CUX1: variants seen among roughly 807,000 people sequenced by gnomAD.
CUX1 encodes cut like homeobox 1, also known as protein CASP.
In CUX1, 31 loss-of-function variants were observed where a neutral mutation model predicts 158.8. The observed-to-expected ratio is 0.20, with a 90% CI of 0.15 to 0.26. CUX1 has a LOEUF of 0.26. Ranked by LOEUF, CUX1 falls within the 10% of genes least tolerant of loss-of-function variation. CUX1 has a pLI of 1.00. For synonymous variants in CUX1, 879 were observed against 862.1 expected (o/e 1.02, Z -0.34); for missense variants, 1,589 against 2,014.6 (o/e 0.79, Z 4.04).
rs187763301 is a variant in CUX1, at chr7:102,131,460, C to A, written c.674+16187C>A. On this transcript the variant is annotated intron_variant, in intron 8 of 23. Coordinates refer to ENST00000292535, the MANE Select transcript of CUX1 (RefSeq NM_181552.4). ...TTTGAGGCCAGGAATTCAAGACCAG[C>A]CTGGGCAAAACAGCAAGACATAATT... Among the ~76,000 whole-genome samples, 197 of 150,500 alleles carry A rather than the reference C, an allele frequency of 1.3e-3. 1 individual carries two copies. The highest frequency in any genetic ancestry group is 4.7e-3 in the African/African-American group (193 of 40,984).
At chr7:101,912,223 CTCTTCCTCCCCCTCCCCCCTCCCT>C (rs1803570150) in intron 1 of CUX1, among the ~76,000 whole-genome samples, 1 of 136,382 alleles carries the variant, frequency 7.3e-6, no homozygotes, top group Non-Finnish European at 1.6e-5. Flanking sequence ...TCCCCCTCCC[CTCTTCCTCCCCCTCCCCCCTCCCT>C]CCTCCTCCTC....
chr7:102,257,887 A>T lies in CUX1; in HGVS notation c.*8845A>T. On this transcript the variant is annotated 3_prime_UTR_variant, in exon 24 of 24. Transcript: ENST00000292535. ...TGACCAAAAAAGAAAAAAGGAAAAA[A>T]AAAAAGTCGTCTTTTTTTTTTTTTT... is the stretch of plus-strand genomic sequence containing the variant. The T allele has an allele frequency of 2.0e-6, 2 of 984,464 alleles. No homozygotes were observed. Among genetic ancestry groups the T allele is most frequent in the Non-Finnish European group, 2.4e-6 (2 of 829,628 alleles). The allele number at this position is 984,464 out of a possible 1,614,324, so 61.0% of individuals were successfully genotyped here. A position where few individuals can be genotyped will look rare whatever the true frequency, so the allele number is the denominator to read the frequency against.
intron 2 of CUX1, among the ~76,000 whole-genome samples, chr7:102,016,449 A>C (rs1424054280): frequency 6.6e-6 from 1 of 152,200 alleles, no homozygotes; most frequent in African/African-American, 2.4e-5. Context: ...ATAGCCACTC[A>C]ACAAACATCT....
intron 22 of CUX1, chr7:102,282,946 ACCCCATCACATGGTACACACCCCCCTT>A: frequency 3.9e-6 from 2 of 515,294 alleles, no homozygotes; most frequent in Non-Finnish European, 5.9e-6. Flanking sequence ...CCCTAGCCCC[ACCCCATCACATGGTACACACCCCCCTT>A]CCCCAACACA....
downstream of CUX1, among the ~76,000 whole-genome samples, chr7:102,262,823 C>T (rs1335078273): frequency 6.6e-6 from 1 of 152,148 alleles, no homozygotes; most frequent in Non-Finnish European, 1.5e-5. Context: ...CGCCCGTGAG[C>T]TAATACATAC....
chr7:101,881,094 T>C (rs937836660), intron 1 of CUX1, among the ~76,000 whole-genome samples: 1 of 152,202 alleles, frequency 6.6e-6, no homozygotes, highest in East Asian at 1.9e-4. Context: ...AACAATTCTT[T>C]TGAAACATCA....
Position 102,104,546 on chromosome 7 carries a change from C to T in CUX1, c.530+87C>T, listed in dbSNP as rs1554487819. On this transcript the variant is annotated intron_variant, in intron 6 of 23. Coordinates refer to ENST00000292535, the MANE Select transcript of CUX1 (RefSeq NM_181552.4). ...TCAGACATGTTGATAAATGGATCTG[C>T]AAAATAAGCCCAGGTTGTAACCCCA... 8 of 1,516,892 alleles carry T rather than the reference C, an allele frequency of 5.3e-6. No individual in the cohort carries two copies. In the East Asian group the frequency reaches 9.3e-5, roughly 18 times the overall value. 94.0% of individuals were successfully genotyped at this position (1,516,892 alleles called of 1,614,324 possible).
At chr7:102,162,920 C>A (rs1585987053) in intron 9 of CUX1, among the ~76,000 whole-genome samples, 1 of 152,250 alleles carries the variant, frequency 6.6e-6, no homozygotes, top group African/African-American at 2.4e-5. Context: ...CAAGCAGATT[C>A]AGGCCAGCCC....
At chr7:102,022,940 T>G (rs1819553954) in intron 2 of CUX1, among the ~76,000 whole-genome samples, 1 of 152,040 alleles carries the variant, frequency 6.6e-6, no homozygotes, top group Non-Finnish European at 1.5e-5. Context: ...CATGGCCGGG[T>G]GCAGTGGCTC....
intron 1 of CUX1, among the ~76,000 whole-genome samples, chr7:101,828,102 A>T (rs933390650): frequency 1.3e-5 from 2 of 150,408 alleles, no homozygotes; most frequent in Admixed American, 1.3e-4. Flanking sequence ...CAGCCTCCTG[A>T]GTAGCTGGGA....
chr7:102,238,594 C>T (rs1554533692), intron 22 of CUX1, among the ~76,000 whole-genome samples: 1 of 152,164 alleles, frequency 6.6e-6, no homozygotes, highest in Non-Finnish European at 1.5e-5. Flanking sequence ...TTTTATTATA[C>T]TAGAACAGCT....
chr7:102,140,879 A>C (rs1834381192), intron 8 of CUX1, among the ~76,000 whole-genome samples: 1 of 151,362 alleles, frequency 6.6e-6, no homozygotes, highest in Non-Finnish European at 1.5e-5. Flanking sequence ...AAAAAAAAAA[A>C]CAGCATTACT....
At position 102,202,143 on chromosome 7, in the gene CUX1, C is replaced by G; in HGVS notation, c.2846C>G (p.Thr949Ser). 1 of 1,613,622 alleles carries G rather than the reference C, an allele frequency of 6.2e-7. No homozygotes were observed. The highest frequency in any genetic ancestry group is 8.5e-7 in the Non-Finnish European group (1 of 1,179,700). Reference sequence around the variant, plus strand: ...CAGGAGGTGGACACCATCGAGCTCACCCGGCAGGTTAAGGAAAAGCTGGCC... The same window carrying G: ...CAGGAGGTGGACACCATCGAGCTCAGCCGGCAGGTTAAGGAAAAGCTGGCC... ...MYQEVDTIELTRQVKEKLAKN... is the reference protein window; with the variant it reads ...MYQEVDTIELSRQVKEKLAKN... The change falls in exon 18 of 24, where the codon ACC (threonine) becomes AGC (serine). Residue 949 changes from threonine (T) to serine (S), a missense_variant. By Grantham distance (58) the Thr-to-Ser change is moderately conservative. This residue lies in a region of CUX1 where 29 missense variants were observed against 66.6 expected (regional missense o/e 0.44). Coordinates refer to ENST00000292535, the MANE Select transcript of CUX1 (RefSeq NM_181552.4).
chr7:101,886,209 T>C (rs1388091903), intron 1 of CUX1, among the ~76,000 whole-genome samples: 1 of 152,138 alleles, frequency 6.6e-6, no homozygotes, highest in African/African-American at 2.4e-5. Flanking sequence ...TTTCTTTTTT[T>C]TTGAGACAGG....
At chr7:102,116,805 C>G (rs577111524) in intron 8 of CUX1, among the ~76,000 whole-genome samples, 2 of 152,242 alleles carry the variant, frequency 1.3e-5, no homozygotes, top group South Asian at 2.1e-4. Flanking sequence ...ATTCTTGTCT[C>G]CCCAGTGGTG....
intron 2 of CUX1, among the ~76,000 whole-genome samples, chr7:101,949,226 G>C (rs1042448727): frequency 6.6e-6 from 1 of 151,870 alleles, no homozygotes; most frequent in Non-Finnish European, 1.5e-5. Flanking sequence ...CCACCTCCTG[G>C]GTTCACGCCA....
Position 101,817,770 on chromosome 7 carries a change from G to A in CUX1, c.30+101G>A. On this transcript the variant is annotated intron_variant, in intron 1 of 23. Coordinates refer to ENST00000292535, the MANE Select transcript of CUX1 (RefSeq NM_181552.4). The surrounding 1 kb of genome is among the most constrained non-coding windows in gnomAD (Gnocchi z 4.1). ...CCCGCGGCTTAGAATGCTCTAGGGC[G>A]GCCTGGTGCTCTGGGAGGGGATAGG... 7.0e-7 allele frequency: 1 copy of A among 1,429,336 alleles called. No individual in the cohort carries two copies. The highest frequency in any genetic ancestry group is 2.2e-5 in the Admixed American group (1 of 46,510). 88.5% of individuals were successfully genotyped at this position (1,429,336 alleles called of 1,614,324 possible). A position where few individuals can be genotyped will look rare whatever the true frequency, so the allele number is the denominator to read the frequency against.
At chr7:101,954,898 A>T (rs1249932876) in intron 2 of CUX1, among the ~76,000 whole-genome samples, 1 of 152,010 alleles carries the variant, frequency 6.6e-6, no homozygotes, top group African/African-American at 2.4e-5. Flanking sequence ...CAGGCCAGGC[A>T]TGGTGGCTCA....
intron 1 of CUX1, among the ~76,000 whole-genome samples, chr7:101,863,792 A>G (rs1797694018): frequency 6.6e-6 from 1 of 152,206 alleles, no homozygotes; most frequent in Non-Finnish European, 1.5e-5. Flanking sequence ...TCTAAGTGGA[A>G]TCATACAGTA....
Sources: allele counts gnomAD v4.1 joint callset (sites outside exome capture counted in the v4.1 genomes callset), GRCh38; gene constraint gnomAD v4.1.1; regional missense constraint gnomAD v4.1.1; non-coding constraint Gnocchi (gnomAD v3.1); transcripts MANE v1.5; gene names NCBI Gene and HGNC (gene_info 2026-07-23, HGNC 2026-07-21).